Variants in MAGI2 observed in about 807,000 individuals in gnomAD.
MAGI2 encodes the protein membrane-associated guanylate kinase, WW and PDZ domain-containing protein 2.
Under a neutral mutation model 133.3 loss-of-function variants are expected in MAGI2, and 35 were observed. The ratio of observed to expected loss-of-function variants is 0.26; its 90% CI spans 0.20 to 0.35. The LOEUF is 0.35. Among genes scored for constraint, MAGI2 ranks in the 10% least tolerant of loss-of-function variants. The probability of loss-of-function intolerance (pLI) is 1.00; values close to 1 mark genes in which losing one functional copy is unlikely to be tolerated. For synonymous variants in MAGI2, 729 were observed against 710.6 expected (o/e 1.03, Z -0.41); for missense variants, 1,636 against 1,863.4 (o/e 0.88, Z 2.25).
intron 1 of MAGI2, among the ~76,000 whole-genome samples, chr7:79,081,999 C>A (rs564896032): frequency 6.6e-6 from 1 of 152,076 alleles, no homozygotes; most frequent in East Asian, 1.9e-4. Flanking sequence ...GTGGAATTAC[C>A]GAGTCATAGG....
At chr7:79,044,575 C>T (rs1015407882) in intron 1 of MAGI2, among the ~76,000 whole-genome samples, 5 of 152,046 alleles carry the variant, frequency 3.3e-5, no homozygotes, top group Non-Finnish European at 7.4e-5. Flanking sequence ...CAAGCCAGAT[C>T]AATTGGGCAA....
chr7:78,193,138 G>C (rs1037134638), intron 12 of MAGI2, among the ~76,000 whole-genome samples: 1 of 152,174 alleles, frequency 6.6e-6, no homozygotes, highest in South Asian at 2.1e-4. Flanking sequence ...GGGCACAATG[G>C]TATCAGACAA....
intron 2 of MAGI2, among the ~76,000 whole-genome samples, chr7:78,666,787 T>C (rs1376400509): frequency 6.6e-6 from 1 of 152,312 alleles, no homozygotes; most frequent in East Asian, 1.9e-4. Flanking sequence ...AAGAAACAGA[T>C]TCAAAGGTAG....
In MAGI2 at chr7:79,255,797, A is replaced by G. The variant is rs74326957; in HGVS notation, c.301+197223T>C. 7.2e-4 allele frequency among the ~76,000 whole-genome samples: 110 copies of G among 152,298 alleles called. 3 individuals are homozygous for G. In the East Asian group the frequency reaches 0.02, roughly 28 times the overall value. ...ATAATAAAGGTTATAATTTTAGACA[A>G]TTATGCTATCACCTAGACAATTCTA... On this transcript the variant is annotated intron_variant, in intron 1 of 21. Coordinates refer to ENST00000354212, the MANE Select transcript of MAGI2 (RefSeq NM_012301.4).
chr7:78,157,701 CA>C (rs1165383001), intron 16 of MAGI2, among the ~76,000 whole-genome samples: 1 of 152,164 alleles, frequency 6.6e-6, no homozygotes, highest in South Asian at 2.1e-4. Context: ...GGAATGGCTG[CA>C]AAATCTCTCT....
rs113656774 is a variant in MAGI2 at position 78,465,631 on chromosome 7, GATAA to G, written c.1045+24126_1045+24129del. Among the ~76,000 whole-genome samples the G allele has an allele frequency of 7.7e-4, 117 of 152,246 alleles. 1 individual carries two copies. Among genetic ancestry groups the G allele is most frequent in the African/African-American group, 2.5e-3 (102 of 41,542 alleles). On this transcript the variant is annotated intron_variant, in intron 6 of 21. Coordinates refer to ENST00000354212, the MANE Select transcript of MAGI2 (RefSeq NM_012301.4). ...GGTTTCTTCCAGACCATGAGGACCT[GATAA>G]ATAGTTTCTTTTCTGAAAAAGAAAT... is the stretch of plus-strand genomic sequence containing the variant.
intron 6 of MAGI2, among the ~76,000 whole-genome samples, chr7:78,452,550 T>C (rs769415651): frequency 5.9e-5 from 9 of 151,966 alleles, no homozygotes; most frequent in East Asian, 1.9e-4. Context: ...TTCTTAAGTA[T>C]AAAAATGTAC....
intron 6 of MAGI2, among the ~76,000 whole-genome samples, chr7:78,463,408 A>G (rs9649305): frequency 0.16 from 24,552 of 152,236 alleles, 2,001 homozygotes; most frequent in East Asian, 0.22. Context: ...TGTTAAAAGA[A>G]CCAACCCAGA....
At chr7:78,314,524 C>T (rs576626357) in intron 9 of MAGI2, among the ~76,000 whole-genome samples, 7 of 152,282 alleles carry the variant, frequency 4.6e-5, no homozygotes, top group African/African-American at 1.2e-4. Flanking sequence ...CTGCCCACAT[C>T]CTAGCCCTAA....
Position 79,312,848 on chromosome 7 carries a change from G to T in MAGI2, c.301+140172C>A, listed in dbSNP as rs73704150. 5.2e-3 allele frequency among the ~76,000 whole-genome samples: 795 copies of T among 152,210 alleles called. 8 individuals are homozygous for T. The highest frequency in any genetic ancestry group is 0.018 in the African/African-American group (760 of 41,536). On this transcript the variant is annotated intron_variant, in intron 1 of 21. Coordinates refer to ENST00000354212, the MANE Select transcript of MAGI2 (RefSeq NM_012301.4). ...TCAGAAGGTGAAATGGCAGCTGATG[G>T]TGCAGTAACAATAAAGATGCAGTTG...
intron 1 of MAGI2, among the ~76,000 whole-genome samples, chr7:79,180,475 A>T (rs2129550291): frequency 6.6e-6 from 1 of 152,174 alleles, no homozygotes; most frequent in Non-Finnish European, 1.5e-5. Flanking sequence ...CCTTTTCTAA[A>T]ATCATCAGCT....
In MAGI2 at chr7:78,243,251, ACACACACACACACACACACTCT is replaced by A. The variant is rs1187659957; in HGVS notation, c.2047+12670_2047+12691del. Among the ~76,000 whole-genome samples, 8 of 40,650 alleles carry A rather than the reference ACACACACACACACACACACTCT, an allele frequency of 2.0e-4. No individual in the cohort carries two copies. In the East Asian group the frequency reaches 4.6e-3, roughly 23 times the overall value. The allele number at this position is 40,650 out of a possible 152,430, so 26.7% of individuals were successfully genotyped here. On this transcript the variant is annotated intron_variant, in intron 10 of 21. Coordinates refer to ENST00000354212, the MANE Select transcript of MAGI2 (RefSeq NM_012301.4). ...CACACACACACACACACACACACACACACACACACACACACACACTCTCTCTCTCTCTCTCTTATAAAACAAA... is the reference window on the plus strand; with the variant it reads ...CACACACACACACACACACACACACACTCTCTCTCTCTCTTATAAAACAAA...
At chr7:78,907,954 T>C (rs1798104397) in intron 2 of MAGI2, among the ~76,000 whole-genome samples, 1 of 152,126 alleles carries the variant, frequency 6.6e-6, no homozygotes, top group Admixed American at 6.6e-5. Context: ...AGAGACTTTA[T>C]GAAGAAGGGA....
At chr7:79,443,363 G>T (rs1324304777) in intron 1 of MAGI2, among the ~76,000 whole-genome samples, 1 of 151,248 alleles carries the variant, frequency 6.6e-6, no homozygotes, top group Non-Finnish European at 1.5e-5. Context: ...GTTCACTGGG[G>T]TGACTCCCAC....
chr7:78,716,040 C>T (rs1381851815), intron 2 of MAGI2, among the ~76,000 whole-genome samples: 2 of 152,184 alleles, frequency 1.3e-5, no homozygotes, highest in African/African-American at 4.8e-5. Flanking sequence ...AGACTAGGGG[C>T]TTTGTGTATG....
Position 78,690,221 on chromosome 7 carries a change from C to T in MAGI2, c.419-62982G>A, listed in dbSNP as rs565085842. On this transcript the variant is annotated intron_variant, in intron 2 of 21. Coordinates refer to ENST00000354212, the MANE Select transcript of MAGI2 (RefSeq NM_012301.4). ...TTAATATACATTAAAATATAGAATT[C>T]ATTCATTCAAAGACACACTTAGCGA... Among the ~76,000 whole-genome samples, 206 of 152,244 alleles carry T rather than the reference C, an allele frequency of 1.4e-3. 1 individual carries two copies. The highest frequency in any genetic ancestry group is 2.6e-3 in the Non-Finnish European group (179 of 68,010).
chr7:78,399,455 G>A (rs1316381706), intron 6 of MAGI2, among the ~76,000 whole-genome samples: 1 of 152,132 alleles, frequency 6.6e-6, no homozygotes, highest in Non-Finnish European at 1.5e-5. Context: ...TGATATTCTG[G>A]TAAGAAGCAC....
intron 1 of MAGI2, among the ~76,000 whole-genome samples, chr7:79,058,471 T>C (rs1441178786): frequency 6.6e-6 from 1 of 152,106 alleles, no homozygotes; most frequent in African/African-American, 2.4e-5. Context: ...ACTCCACAGT[T>C]GAGAAAGCAT....
At chr7:79,149,727 C>A (rs879549069) in intron 1 of MAGI2, among the ~76,000 whole-genome samples, 2 of 152,122 alleles carry the variant, frequency 1.3e-5, no homozygotes, top group African/African-American at 4.8e-5. Context: ...GAATATCTGG[C>A]AGGAATTTAG....
Sources: allele counts gnomAD v4.1 joint callset (sites outside exome capture counted in the v4.1 genomes callset), GRCh38; gene constraint gnomAD v4.1.1; transcripts MANE v1.5; gene names NCBI Gene and HGNC (gene_info 2026-07-23, HGNC 2026-07-21).